Variants in GRK5 observed in about 807,000 individuals in gnomAD.
GRK5 encodes the protein G protein-coupled receptor kinase 5, also known as g protein-coupled receptor kinase GRK5.
GRK5 carries 40 observed loss-of-function variants against 78.4 expected under a neutral mutation model. That is an observed-to-expected ratio of 0.51 (90% CI 0.40 to 0.66). GRK5 has a LOEUF of 0.66. Ranked by LOEUF, GRK5 falls within the 30% of genes least tolerant of loss-of-function variation. GRK5 has a pLI of 0.00. For missense variants in GRK5, 598 were observed against 759.9 expected, an observed-to-expected ratio of 0.79 and a Z score of 2.50; for synonymous variants, 289 against 296.8, an observed-to-expected ratio of 0.97 and a Z score of 0.27.
intron 13 of GRK5, among the ~76,000 whole-genome samples, chr10:119,449,486 G>A (rs1452673303): frequency 6.6e-6 from 1 of 152,176 alleles, no homozygotes; most frequent in Non-Finnish European, 1.5e-5. Context: ...GCTTTTTGGA[G>A]AAACACGGGG....
chr10:119,299,890 G>A (rs1850146281), intron 1 of GRK5, among the ~76,000 whole-genome samples: 1 of 152,028 alleles, frequency 6.6e-6, no homozygotes, highest in South Asian at 2.1e-4. Context: ...GTATACATGT[G>A]CCATGTTGGT....
At chr10:119,420,349 CAAACA>C (rs1465937461) in intron 4 of GRK5, among the ~76,000 whole-genome samples, 1,891 of 51,014 alleles carry the variant, frequency 0.037, 43 homozygotes, top group African/African-American at 0.074. Flanking sequence ...AACAAACAAA[CAAACA>C]AAAAAAAAAA....
At chr10:119,394,238 G>GTATCCA in intron 3 of GRK5, among the ~76,000 whole-genome samples, 1 of 123,426 alleles carries the variant, frequency 8.1e-6, no homozygotes, top group South Asian at 2.8e-4. Flanking sequence ...GTGGGTGTGT[G>GTATCCA]GGTGTCTGTG....
Position 119,436,861 on chromosome 10 carries a change from G to T in GRK5, c.929+20G>T. 1 of 1,572,568 alleles carries T rather than the reference G, an allele frequency of 6.4e-7. No homozygotes were observed. The highest frequency in any genetic ancestry group is 8.7e-7 in the Non-Finnish European group (1 of 1,155,834). ...CTACCGGTGAGTGGAAGGCACCAAGGACTTCCAAGTCTAAGTCCGAGGGGG... is the reference window on the plus strand; with the variant it reads ...CTACCGGTGAGTGGAAGGCACCAAGTACTTCCAAGTCTAAGTCCGAGGGGG... On this transcript the variant is annotated intron_variant, in intron 9 of 15. Coordinates refer to ENST00000392870, the MANE Select transcript of GRK5 (RefSeq NM_005308.3).
intron 1 of GRK5, among the ~76,000 whole-genome samples, chr10:119,303,281 G>T (rs2133724768): frequency 6.6e-6 from 1 of 152,352 alleles, no homozygotes; most frequent in Non-Finnish European, 1.5e-5. Flanking sequence ...TGAGTACTCT[G>T]TAGTGGATGA....
intron 1 of GRK5, among the ~76,000 whole-genome samples, chr10:119,314,037 C>T (rs1460544950): frequency 1.3e-5 from 2 of 152,234 alleles, no homozygotes; most frequent in African/African-American, 4.8e-5. Flanking sequence ...TAGCTGAGAA[C>T]TGTGGCACAG....
At position 119,452,872 on chromosome 10, in the gene GRK5, G is replaced by T. The variant is rs1202717840; in HGVS notation, c.1542+64G>T. On this transcript the variant is annotated intron_variant, in intron 14 of 15. Transcript: ENST00000392870. This position sits in a 1 kb window ranked among gnomAD's most constrained non-coding sequence, Gnocchi z 4.4. The stretch of plus-strand genomic sequence containing the variant: ...GGGAGGGACTGACGGGTGGAAGGAG[G>T]CGTCGGGAATATGAGTTTGGCGGCA... 5.3e-6 allele frequency: 8 copies of T among 1,496,710 alleles called. No homozygotes were observed. The East Asian group carries it at 1.6e-4, about 30-fold the overall frequency. 92.7% of individuals were successfully genotyped at this position (1,496,710 alleles called of 1,614,324 possible).
At chr10:119,287,768 T>C (rs886067570) in intron 1 of GRK5, among the ~76,000 whole-genome samples, 17 of 152,190 alleles carry the variant, frequency 1.1e-4, no homozygotes, top group African/African-American at 3.9e-4. Context: ...GACTGCACCG[T>C]ATCCAGCGCC....
At chr10:119,273,006 C>T (rs955266286) in intron 1 of GRK5, among the ~76,000 whole-genome samples, 4 of 152,334 alleles carry the variant, frequency 2.6e-5, no homozygotes, top group Admixed American at 2.0e-4. Context: ...TCCAAGTCCT[C>T]CCCAGTCCTT....
chr10:119,394,307 T>G (rs1851967375), intron 3 of GRK5, among the ~76,000 whole-genome samples: 2 of 13,434 alleles, frequency 1.5e-4, no homozygotes, highest in Non-Finnish European at 3.5e-4. Context: ...TGTGTCTGTG[T>G]GGGCACGTGG....
At chr10:119,413,543 C>T (rs892660714) in intron 4 of GRK5, among the ~76,000 whole-genome samples, 18 of 152,022 alleles carry the variant, frequency 1.2e-4, no homozygotes, top group African/African-American at 4.3e-4. Flanking sequence ...GGATTTGCGT[C>T]TCAGGTCTGC....
chr10:119,335,175 T>TCTCTCC (rs1387026472), intron 2 of GRK5, among the ~76,000 whole-genome samples: 5 of 113,214 alleles, frequency 4.4e-5, no homozygotes, highest in Admixed American at 1.9e-4. Context: ...TCTCTCTCTC[T>TCTCTCC]CCCCCTCTCC....
At chr10:119,423,118 C>T in intron 4 of GRK5, 48 bp from the exon 5 acceptor site, 1 of 1,330,656 alleles carries the variant, frequency 7.5e-7, no homozygotes, top group Non-Finnish European at 1.1e-6. Flanking sequence ...CCCGGCCGCA[C>T]TGCTGCTGGC....
At chr10:119,312,403 A>T (rs1850374619) in intron 1 of GRK5, among the ~76,000 whole-genome samples, 1 of 152,192 alleles carries the variant, frequency 6.6e-6, no homozygotes, top group Non-Finnish European at 1.5e-5. Context: ...AGGCAGAGGG[A>T]GCAGCTGGAG....
In GRK5 at chr10:119,394,771, G is replaced by T. The variant is rs113037871; in HGVS notation, c.262-1924G>T. On this transcript the variant is annotated intron_variant, in intron 3 of 15. Transcript: ENST00000392870. ...TGTCTGTGTGTGGGTGTGTATCTGT[G>T]TGTGTGTGGGCACGTGTATGTTTGG... 4.6e-3 allele frequency among the ~76,000 whole-genome samples: 569 copies of T among 123,494 alleles called. 12 individuals carry two copies. The highest frequency in any genetic ancestry group is 5.8e-3 in the Non-Finnish European group (348 of 59,870). 81.0% of individuals were successfully genotyped at this position (123,494 alleles called of 152,430 possible). A position where few individuals can be genotyped will look rare whatever the true frequency, so the allele number is the denominator to read the frequency against.
chr10:119,442,450 A>G (rs1853056861), intron 11 of GRK5, among the ~76,000 whole-genome samples: 1 of 152,212 alleles, frequency 6.6e-6, no homozygotes, highest in South Asian at 2.1e-4. Flanking sequence ...GTAATTCACA[A>G]GAGCCCGCAA....
intron 8 of GRK5, among the ~76,000 whole-genome samples, chr10:119,435,006 T>G (rs1055146497): frequency 4.6e-5 from 7 of 152,232 alleles, no homozygotes; most frequent in Admixed American, 1.3e-4. Context: ...CTGCCAAGGC[T>G]TGGGGCTTCC....
intron 3 of GRK5, among the ~76,000 whole-genome samples, chr10:119,388,559 G>A (rs1407091874): frequency 1.3e-5 from 2 of 152,108 alleles, no homozygotes; most frequent in African/African-American, 4.8e-5. Context: ...CTGGTCTTGA[G>A]CTCCTGACCT....
chr10:119,437,709 GTCTT>G (rs1367939298), intron 9 of GRK5, among the ~76,000 whole-genome samples: 1 of 152,128 alleles, frequency 6.6e-6, no homozygotes, highest in Admixed American at 6.5e-5. Flanking sequence ...TTGCCTGAAA[GTCTT>G]TCACTGATTA....
Sources: gnomAD v4.1 joint callset for allele counts (sites outside exome capture counted in the v4.1 genomes callset) on GRCh38, gnomAD v4.1.1 for gene constraint, Gnocchi (gnomAD v3.1) non-coding constraint, MANE v1.5 for transcripts, NCBI Gene and HGNC (gene_info 2026-07-23, HGNC 2026-07-21) for gene names.